IRAG2: variants seen among roughly 807,000 people sequenced by gnomAD.
IRAG2 encodes the protein inositol 1,4,5-triphosphate receptor associated 2.
Under a neutral mutation model 69.9 loss-of-function variants are expected in IRAG2, and 45 were observed. That is an observed-to-expected ratio of 0.64 (90% CI 0.51 to 0.83). The LOEUF is 0.83. IRAG2 is among the 40% of genes least tolerant of loss of function. The pLI is 0.00. For synonymous variants in IRAG2, 193 were observed against 202.4 expected (o/e 0.95, Z 0.40); for missense variants, 520 against 587.0 (o/e 0.89, Z 1.18).
chr12:25,107,798 AT>A lies in IRAG2; in HGVS notation c.1257-16del. On this transcript the variant is annotated intron_variant, in intron 21 of 21. Transcript: ENST00000556887. ...GACAAATTACCGATTACCAAATTCTATTTGTGTTTTCCTTATAGTTATGACA... is the reference window on the plus strand; with the variant it reads ...GACAAATTACCGATTACCAAATTCTATTGTGTTTTCCTTATAGTTATGACA... 1 of 1,599,928 alleles carries A rather than the reference AT, an allele frequency of 6.3e-7. No homozygotes were observed. Among genetic ancestry groups the A allele is most frequent in the Non-Finnish European group, 8.6e-7 (1 of 1,168,372 alleles).
At chr12:25,005,555 G>A (rs948210147) in intron 2 of IRAG2, among the ~76,000 whole-genome samples, 7 of 152,092 alleles carry the variant, frequency 4.6e-5, no homozygotes, top group Non-Finnish European at 8.8e-5. Context: ...TACCTGTTTT[G>A]CATCAGCATA....
At chr12:25,056,545 C>T (rs150140448) in intron 1 of IRAG2, among the ~76,000 whole-genome samples, 1 of 152,140 alleles carries the variant, frequency 6.6e-6, no homozygotes, top group African/African-American at 2.4e-5. Flanking sequence ...CTTCAGTATC[C>T]TCTTTGGTTA....
At chr12:25,021,536 A>G (rs1046695397) in intron 7 of IRAG2, among the ~76,000 whole-genome samples, 6 of 151,174 alleles carry the variant, frequency 4.0e-5, no homozygotes, top group African/African-American at 1.5e-4. Flanking sequence ...ACAGGCTTAT[A>G]ATTTCAGAGC....
rs34550767 is a variant in IRAG2, at chr12:25,084,540, GGTGTGT to G, written c.315+1070_315+1075del. Among the ~76,000 whole-genome samples, 1,191 of 147,318 alleles carry G rather than the reference GGTGTGT, an allele frequency of 8.1e-3. 12 individuals carry two copies. Among genetic ancestry groups the G allele is most frequent in the African/African-American group, 0.028 (1,118 of 40,224 alleles). On this transcript the variant is annotated intron_variant, in intron 10 of 21. Coordinates refer to ENST00000556887, the MANE Select transcript of IRAG2 (RefSeq NM_001366544.2). The stretch of plus-strand genomic sequence containing the variant: ...TCTTGCTATGTTGTATGCATGGAGG[GGTGTGT>G]GTGTGTGTGTGTGTGTGTGTGTATT...
chr12:25,073,304 C>T (rs1946451385), intron 6 of IRAG2, among the ~76,000 whole-genome samples: 1 of 152,150 alleles, frequency 6.6e-6, no homozygotes, highest in African/African-American at 2.4e-5. Context: ...GGCCATTAAC[C>T]AATGCGCATG....
intron 1 of IRAG2, among the ~76,000 whole-genome samples, chr12:25,054,749 T>A (rs905672514): frequency 6.6e-6 from 1 of 152,200 alleles, no homozygotes; most frequent in Admixed American, 6.5e-5. Flanking sequence ...AAAAAACCCA[T>A]ACAAATCAGG....
upstream of IRAG2, among the ~76,000 whole-genome samples, chr12:25,001,791 A>T (rs1944393182): frequency 6.9e-6 from 1 of 144,200 alleles, no homozygotes; most frequent in African/African-American, 2.6e-5. Flanking sequence ...TTTTTTTGAG[A>T]CAGAGTCTCG....
At chr12:25,056,135 T>C (rs2139922346) in intron 1 of IRAG2, among the ~76,000 whole-genome samples, 1 of 152,290 alleles carries the variant, frequency 6.6e-6, no homozygotes, top group African/African-American at 2.4e-5. Flanking sequence ...AGCTTGCTAT[T>C]CTTAGCATGG....
chr12:25,050,550 AAC>A (rs200448749), upstream of IRAG2, among the ~76,000 whole-genome samples: 1,100 of 127,098 alleles, frequency 8.7e-3, 37 homozygotes, highest in African/African-American at 0.025. Context: ...CAAACAAACA[AAC>A]AAAAAAAAAC....
intron 2 of IRAG2, among the ~76,000 whole-genome samples, chr12:25,010,338 G>A (rs1404774972): frequency 6.6e-6 from 1 of 152,144 alleles, no homozygotes; most frequent in Non-Finnish European, 1.5e-5. Context: ...TTAGCTGGGT[G>A]TGGTGGCACA....
Position 25,108,228 on chromosome 12 carries a change from A to G in IRAG2, c.*168A>G, listed in dbSNP as rs1454436130. On this transcript the variant is annotated 3_prime_UTR_variant, in exon 22 of 22. Coordinates refer to ENST00000556887, the MANE Select transcript of IRAG2 (RefSeq NM_001366544.2). ...TTGCCTTTATCTCCCCAACTAAAATACAATGGGGAAGAAGTCTGCCTATGA... is the reference window on the plus strand; with the variant it reads ...TTGCCTTTATCTCCCCAACTAAAATGCAATGGGGAAGAAGTCTGCCTATGA... 3 of 693,930 alleles carry G rather than the reference A, an allele frequency of 4.3e-6. No individual in the cohort carries two copies. Among genetic ancestry groups the G allele is most frequent in the Non-Finnish European group, 7.0e-6 (3 of 430,248 alleles). 43.0% of individuals were successfully genotyped at this position (693,930 alleles called of 1,614,324 possible).
chr12:25,046,635 CAT>C (rs1459468595), intron 16 of IRAG2, among the ~76,000 whole-genome samples: 1 of 151,878 alleles, frequency 6.6e-6, no homozygotes, highest in African/African-American at 2.4e-5. Flanking sequence ...AGGTAAAAAA[CAT>C]ATAATAAAAA....
chr12:25,031,069 A>C (rs1320643961), intron 10 of IRAG2: 2 of 985,304 alleles, frequency 2.0e-6, no homozygotes, highest in East Asian at 1.1e-4. Context: ...ACACAGCCTC[A>C]GTCAATAATC....
intron 14 of IRAG2, among the ~76,000 whole-genome samples, chr12:25,094,140 T>C (rs1006086912): frequency 5.3e-5 from 8 of 152,156 alleles, no homozygotes. Flanking sequence ...CTCGGTGTTA[T>C]ATCCAAGAAA....
At chr12:25,009,123 C>A (rs570622193) in intron 2 of IRAG2, among the ~76,000 whole-genome samples, 1 of 152,188 alleles carries the variant, frequency 6.6e-6, no homozygotes, top group Non-Finnish European at 1.5e-5. Flanking sequence ...GACAACCTAG[C>A]AAGACCCTGT....
chr12:24,998,231 A>G, the IRAG2 span, among the ~76,000 whole-genome samples: 1 of 152,188 alleles, frequency 6.6e-6, no homozygotes, highest in African/African-American at 2.4e-5. Flanking sequence ...GCTTGGTGTG[A>G]CCCAGCCAAG....
chr12:25,029,667 G>A (rs906945959), intron 9 of IRAG2, among the ~76,000 whole-genome samples: 1 of 145,540 alleles, frequency 6.9e-6, no homozygotes, highest in Admixed American at 6.7e-5. Context: ...GTTACAATAT[G>A]TTTTTTTTTT....
At chr12:25,098,171 C>T (rs1376367604) in intron 15 of IRAG2, among the ~76,000 whole-genome samples, 1 of 152,220 alleles carries the variant, frequency 6.6e-6, no homozygotes, top group African/African-American at 2.4e-5. Flanking sequence ...AGTAAATCCG[C>T]TTCTCCACCT....
At chr12:25,020,724 G>A (rs773739697) in intron 6 of IRAG2, 3 of 735,152 alleles carry the variant, frequency 4.1e-6, no homozygotes, top group Admixed American at 4.3e-5. Flanking sequence ...GTCCTTGGCT[G>A]TTCTTAGTGT....
Sources: gnomAD v4.1 joint callset for allele counts (sites outside exome capture counted in the v4.1 genomes callset) on GRCh38, gnomAD v4.1.1 for gene constraint, MANE v1.5 for transcripts, NCBI Gene and HGNC (gene_info 2026-07-23, HGNC 2026-07-21) for gene names.